Variants in PANK1 observed in about 807,000 individuals in gnomAD.
PANK1 encodes the protein pantothenate kinase 1.
PANK1 carries 18 observed loss-of-function variants against 40.1 expected under a neutral mutation model. That is an observed-to-expected ratio of 0.45 (90% CI 0.31 to 0.67). PANK1 has a LOEUF of 0.67. PANK1 is among the 30% of genes least tolerant of loss of function. PANK1 has a pLI of 0.06. For missense variants in PANK1, 457 were observed against 599.6 expected (o/e 0.76, Z 2.48); for synonymous variants, 242 against 237.7 (o/e 1.02, Z -0.17).
chr10:89,606,723 C>T lies in PANK1; in HGVS notation c.645+4973G>A, dbSNP rs1213739574. On this transcript the variant is annotated intron_variant, in intron 2 of 6. Transcript: ENST00000307534. The stretch of plus-strand genomic sequence containing the variant: ...ATTTTGTGTAGAGACAGGGTTTTAC[C>T]ATGTTGCCCAGGTGGGTCTTGAACT... 2.0e-5 allele frequency among the ~76,000 whole-genome samples: 3 copies of T among 152,152 alleles called. No individual in the cohort carries two copies. In the East Asian group the frequency reaches 5.8e-4, roughly 29 times the overall value.
At chr10:89,641,883 A>C (rs1841981880) in intron 1 of PANK1, among the ~76,000 whole-genome samples, 1 of 152,202 alleles carries the variant, frequency 6.6e-6, no homozygotes. Flanking sequence ...GTCAGCTCTG[A>C]AGTGTCATAG....
chr10:89,635,193 A>G (rs1841768050), intron 1 of PANK1, among the ~76,000 whole-genome samples: 1 of 152,196 alleles, frequency 6.6e-6, no homozygotes, highest in Non-Finnish European at 1.5e-5. Context: ...TAAGACTGGT[A>G]TTAATAGTGT....
chr10:89,589,778 A>C (rs1038957017), intron 5 of PANK1, among the ~76,000 whole-genome samples: 2 of 151,990 alleles, frequency 1.3e-5, no homozygotes, highest in Non-Finnish European at 2.9e-5. Flanking sequence ...TAAAAAAAAA[A>C]ACAAAAAACT....
rs536036844 is a variant in PANK1, at chr10:89,644,680, G to C, written c.212C>G (p.Pro71Arg). 7.7e-6 allele frequency: 12 copies of C among 1,559,296 alleles called. No individual in the cohort carries two copies. The East Asian group carries it at 2.9e-4, about 37-fold the overall frequency. The change falls in exon 1 of 7, where the codon CCA (proline) becomes CGA (arginine). Residue 71 changes from proline (P) to arginine (R), a missense_variant. Around this residue, in one of 4 missense-constraint regions of PANK1, gnomAD observed 144 missense variants for 131.2 expected, o/e 1.10. Transcript: ENST00000307534. The stretch of plus-strand genomic sequence containing the variant: ...CGGGGAGTCATGCTGAGGGAGCAGT[G>C]GCTGCGGCTGCAGCTCCGGCAGGAG... ...LPLLPELQPQ[P>R]LLPQHDSPAK...
rs778368200 is a variant in PANK1 at position 89,588,781 on chromosome 10, G to GA, written c.1201-5dup. 80 of 1,563,896 alleles carry GA rather than the reference G, an allele frequency of 5.1e-5. 2 individuals are homozygous for GA. In the Admixed American group the frequency reaches 6.3e-4, roughly 12 times the overall value. ...CAAACACAACTCTGTCTATGTTCTGGAAAAAATATTAAAGAAAACAATTGA... is the reference window on the plus strand; with the variant it reads ...CAAACACAACTCTGTCTATGTTCTGGAAAAAAATATTAAAGAAAACAATTGA... On this transcript the variant is annotated splice_region_variant and splice_polypyrimidine_tract_variant and intron_variant, in intron 5 of 6. Coordinates refer to ENST00000307534, the MANE Select transcript of PANK1 (RefSeq NM_148977.3).
chr10:89,600,980 C>T (rs1321761452), intron 2 of PANK1, among the ~76,000 whole-genome samples: 1 of 152,002 alleles, frequency 6.6e-6, no homozygotes, highest in African/African-American at 2.4e-5. Context: ...TACTATCAAC[C>T]TTATTCTATG....
chr10:89,579,881 T>C (rs1438094449), downstream of PANK1: 1 of 152,258 alleles, frequency 6.6e-6, no homozygotes, highest in Admixed American at 6.5e-5. Flanking sequence ...GATTGCATCC[T>C]CAGTGCTACC....
rs547380955 is a variant in PANK1 at position 89,629,984 on chromosome 10, T to C, written c.292+14616A>G. On this transcript the variant is annotated intron_variant, in intron 1 of 6. Coordinates refer to ENST00000307534, the MANE Select transcript of PANK1 (RefSeq NM_148977.3). ...ACAAAAAACATCCAAACCTTTTGAT[T>C]AGTGCTAAAACTCTAAGACAGCATT... Among the ~76,000 whole-genome samples the C allele has an allele frequency of 2.0e-5, 3 of 152,350 alleles. No homozygotes were observed. In the East Asian group the frequency reaches 5.8e-4, roughly 29 times the overall value.
intron 1 of PANK1, among the ~76,000 whole-genome samples, chr10:89,638,631 A>G (rs868415984): frequency 3.1e-4 from 47 of 152,182 alleles, no homozygotes; most frequent in African/African-American, 1.1e-3. Context: ...TCCATCAAAT[A>G]TCGTAGTTTA....
intron 1 of PANK1, among the ~76,000 whole-genome samples, chr10:89,644,361 G>T (rs556016186): frequency 2.0e-5 from 3 of 152,304 alleles, no homozygotes; most frequent in African/African-American, 7.2e-5. Flanking sequence ...CTCAAGCTTC[G>T]TGTCCAATCC....
At chr10:89,603,112 A>C (rs778990094) in intron 2 of PANK1, among the ~76,000 whole-genome samples, 3 of 152,224 alleles carry the variant, frequency 2.0e-5, no homozygotes, top group Non-Finnish European at 4.4e-5. Flanking sequence ...TCATTTGAAC[A>C]TACTTTGTAA....
chr10:89,589,063 A>T (rs913600235), intron 5 of PANK1, among the ~76,000 whole-genome samples: 1 of 152,202 alleles, frequency 6.6e-6, no homozygotes, highest in Non-Finnish European at 1.5e-5. Context: ...CTCTCAAAAC[A>T]TACGTATATA....
chr10:89,633,279 T>C (rs1841705261), intron 1 of PANK1, among the ~76,000 whole-genome samples: 1 of 152,174 alleles, frequency 6.6e-6, no homozygotes, highest in Non-Finnish European at 1.5e-5. Context: ...CCTGGTTTGC[T>C]AGGATAATCC....
At chr10:89,622,561 C>T (rs999279706) in intron 1 of PANK1, among the ~76,000 whole-genome samples, 5 of 152,136 alleles carry the variant, frequency 3.3e-5, no homozygotes, top group Admixed American at 2.0e-4. Context: ...ATAGGCCAGA[C>T]GTGGTTGCTC....
intron 6 of PANK1, among the ~76,000 whole-genome samples, chr10:89,587,953 T>G (rs1844253424): frequency 1.3e-5 from 2 of 152,188 alleles, no homozygotes; most frequent in Non-Finnish European, 2.9e-5. Flanking sequence ...CATTTGAAAT[T>G]TACAAGTTTG....
intron 1 of PANK1, among the ~76,000 whole-genome samples, chr10:89,629,809 T>A (rs1475708453): frequency 1.3e-5 from 2 of 152,244 alleles, no homozygotes; most frequent in East Asian, 3.8e-4. Context: ...ATAACTGTTC[T>A]TTTGAACAGC....
intron 2 of PANK1, among the ~76,000 whole-genome samples, chr10:89,601,626 G>A (rs998053433): frequency 1.3e-5 from 2 of 152,122 alleles, no homozygotes; most frequent in Non-Finnish European, 2.9e-5. Flanking sequence ...CCTGCAGAAC[G>A]GAATTAGTTA....
chr10:89,593,846 C>A lies in PANK1; in HGVS notation c.1043G>T (p.Arg348Leu), dbSNP rs764577053. Reference sequence around the variant, plus strand: ...TACAGCAGATCCTTGAAGGCCAAATCGTTCATAGTCTCCTCCGTAAATGTC... The same window carrying A: ...TACAGCAGATCCTTGAAGGCCAAATAGTTCATAGTCTCCTCCGTAAATGTC... ...VKDIYGGDYE[R>L]FGLQGSAVAS... Residue 348 changes from arginine to leucine, a missense_variant, in exon 4 of 7, where the codon CGA becomes CTA. Arg to Leu is a moderately radical substitution (Grantham distance 102). Around this residue, in one of 4 missense-constraint regions of PANK1, gnomAD observed 286 missense variants for 415.8 expected, o/e 0.69. Coordinates refer to ENST00000307534, the MANE Select transcript of PANK1 (RefSeq NM_148977.3). The A allele has an allele frequency of 6.2e-7, 1 of 1,613,890 alleles. No individual in the cohort carries two copies. Among genetic ancestry groups the A allele is most frequent in the South Asian group, 1.1e-5 (1 of 91,072 alleles).
intron 3 of PANK1, 45 bp from the exon 4 acceptor site, chr10:89,594,034 T>G (rs748846093): frequency 1.3e-5 from 18 of 1,434,862 alleles, no homozygotes; most frequent in Non-Finnish European, 1.5e-5. Context: ...CTTTAAGATA[T>G]GCCCATCCAA....
Sources: gnomAD v4.1 joint callset for allele counts (sites outside exome capture counted in the v4.1 genomes callset) on GRCh38, gnomAD v4.1.1 for gene constraint, gnomAD v4.1.1 regional missense constraint, MANE v1.5 for transcripts, NCBI Gene and HGNC (gene_info 2026-07-23, HGNC 2026-07-21) for gene names.